Variants in DERA observed in about 807,000 individuals in gnomAD.
DERA encodes deoxyribose-phosphate aldolase, also known as 2-deoxy-D-ribose 5-phosphate aldolase.
In DERA, 15 loss-of-function variants were observed where a neutral mutation model predicts 41.1. The observed-to-expected ratio is 0.37, with a 90% CI of 0.24 to 0.56. The LOEUF (loss-of-function observed/expected upper bound fraction) is 0.56, where lower values mean the gene tolerates loss of function less well. Among genes scored for constraint, DERA ranks in the 20% least tolerant of loss-of-function variants. DERA has a pLI of 0.81. For synonymous variants in DERA, 139 were observed against 137.4 expected, an observed-to-expected ratio of 1.01 and a Z score of -0.08; for missense variants, 396 against 403.4, an observed-to-expected ratio of 0.98 and a Z score of 0.16.
chr12:15,918,725 G>T lies in DERA; in HGVS notation c.31+7311G>T, dbSNP rs1425899508. On this transcript the variant is annotated intron_variant, in intron 1 of 8. Coordinates refer to ENST00000428559, the MANE Select transcript of DERA (RefSeq NM_015954.4). This position sits in a 1 kb window ranked among gnomAD's most constrained non-coding sequence, Gnocchi z 4.3. ...GAGCTCACAGGCAACTAAGGGAGAT[G>T]TTTATGTAAATCACCACATACGGCA... 6.6e-6 allele frequency among the ~76,000 whole-genome samples: 1 copy of T among 152,132 alleles called. No homozygotes were observed. Among genetic ancestry groups the T allele is most frequent in the Non-Finnish European group, 1.5e-5 (1 of 68,030 alleles).
At chr12:16,031,751 T>C (rs1949093837) in intron 6 of DERA, among the ~76,000 whole-genome samples, 1 of 152,224 alleles carries the variant, frequency 6.6e-6, no homozygotes, top group South Asian at 2.1e-4. Flanking sequence ...CTCAGGTAAC[T>C]TACTTAACTT....
Position 16,002,021 on chromosome 12 carries a change from A to C in DERA, c.637+19585A>C, listed in dbSNP as rs377178891. On this transcript the variant is annotated intron_variant, in intron 6 of 8. Transcript: ENST00000428559. ...TATTATGCTTTAAGTTTTAGGGTAC[A>C]TGTGCACAATGTGCAGGTTAGTTAC... Among the ~76,000 whole-genome samples the C allele has an allele frequency of 1.4e-3, 213 of 152,144 alleles. 1 individual carries two copies. Among genetic ancestry groups the C allele is most frequent in the African/African-American group, 4.3e-3 (178 of 41,516 alleles).
chr12:15,960,649 A>C (rs1376224596), intron 4 of DERA, among the ~76,000 whole-genome samples: 2 of 151,076 alleles, frequency 1.3e-5, no homozygotes, highest in African/African-American at 4.8e-5. Flanking sequence ...AAAAAAAAAA[A>C]AAAAAAAAAA....
intron 7 of DERA, among the ~76,000 whole-genome samples, chr12:16,034,277 T>G (rs1592060444): frequency 1.3e-5 from 2 of 152,286 alleles, no homozygotes; most frequent in African/African-American, 2.4e-5. Flanking sequence ...TGTTAAATGC[T>G]AGGAATGGAA....
rs544637768 is a variant in DERA at position 15,974,407 on chromosome 12, C to T, written c.509-7901C>T. Among the ~76,000 whole-genome samples the T allele has an allele frequency of 8.5e-5, 13 of 152,218 alleles. No individual in the cohort carries two copies. In the East Asian group the frequency reaches 1.5e-3, roughly 18 times the overall value. On this transcript the variant is annotated intron_variant, in intron 5 of 8. Transcript: ENST00000428559. ...AGTCTTCCCTTGTCTTTGACGATTACGGGCCTGTTGTTTTGTAAAATATAC... is the reference window on the plus strand; with the variant it reads ...AGTCTTCCCTTGTCTTTGACGATTATGGGCCTGTTGTTTTGTAAAATATAC...
In DERA at chr12:15,967,577, G is replaced by A. The variant is rs193233657; in HGVS notation, c.508+4630G>A. On this transcript the variant is annotated intron_variant, in intron 5 of 8. Coordinates refer to ENST00000428559, the MANE Select transcript of DERA (RefSeq NM_015954.4). The surrounding 1 kb of genome is among the most constrained non-coding windows in gnomAD (Gnocchi z 4.9). ...TCCCAGAATACAGTGATGCTTTCAG[G>A]GGCCAGTGGAATCTCTGAGATGATT... is the stretch of plus-strand genomic sequence containing the variant. Among the ~76,000 whole-genome samples, 10 of 152,138 alleles carry A rather than the reference G, an allele frequency of 6.6e-5. No individual in the cohort carries two copies. In the East Asian group the frequency reaches 1.9e-3, roughly 29 times the overall value.
At chr12:15,955,986 G>T (rs1176507402) in intron 1 of DERA, among the ~76,000 whole-genome samples, 3 of 152,176 alleles carry the variant, frequency 2.0e-5, no homozygotes, top group Non-Finnish European at 4.4e-5. Flanking sequence ...GTTCATGTCC[G>T]ATTTACCGTG....
rs1948399058 is a variant in DERA, at chr12:15,940,209, T to C, written c.32-16727T>C. Among the ~76,000 whole-genome samples the C allele has an allele frequency of 6.6e-6, 1 of 152,216 alleles. No individual in the cohort carries two copies. Among genetic ancestry groups the C allele is most frequent in the Non-Finnish European group, 1.5e-5 (1 of 68,028 alleles). On this transcript the variant is annotated intron_variant, in intron 1 of 8. Transcript: ENST00000428559. The surrounding 1 kb of genome is among the most constrained non-coding windows in gnomAD (Gnocchi z 5.1). Reference sequence around the variant, plus strand: ...ACTTCCGGTTTTTTTATTTGATAAATTAGATTTTTAAAATGAGTCAATATT... The same window carrying C: ...ACTTCCGGTTTTTTTATTTGATAAACTAGATTTTTAAAATGAGTCAATATT...
Position 15,990,383 on chromosome 12 carries a change from G to T in DERA, c.637+7947G>T, listed in dbSNP as rs999546210. ...TAATTGAGAATCACAATTAGATGTG[G>T]TCTAGTTAATGATATGTTTGTGGTA... On this transcript the variant is annotated intron_variant, in intron 6 of 8. Coordinates refer to ENST00000428559, the MANE Select transcript of DERA (RefSeq NM_015954.4). This position sits in a 1 kb window ranked among gnomAD's most constrained non-coding sequence, Gnocchi z 4.3. 6.6e-6 allele frequency among the ~76,000 whole-genome samples: 1 copy of T among 152,146 alleles called. No individual in the cohort carries two copies. The highest frequency in any genetic ancestry group is 2.4e-5 in the African/African-American group (1 of 41,436).
chr12:15,922,738 A>T lies in DERA; in HGVS notation c.31+11324A>T, dbSNP rs1016260036. ...TGGGAAGGATACAGGATTGGGACCC[A>T]GGCACTTTAGTTGTAGACCTGATAG... is the stretch of plus-strand genomic sequence containing the variant. On this transcript the variant is annotated intron_variant, in intron 1 of 8. Transcript: ENST00000428559. This position sits in a 1 kb window ranked among gnomAD's most constrained non-coding sequence, Gnocchi z 4.9. 6.6e-6 allele frequency among the ~76,000 whole-genome samples: 1 copy of T among 152,192 alleles called. No homozygotes were observed. The highest frequency in any genetic ancestry group is 2.1e-4 in the South Asian group (1 of 4,834).
chr12:15,982,419 T>C lies in DERA; in HGVS notation c.620T>C (p.Met207Thr). ...CTTACTAATGTCTATAAAGCCAGTA[T>C]GATAGCAATGATGGCAGGTAAGTGT... is the stretch of plus-strand genomic sequence containing the variant. ...GTLTNVYKAS[M>T]IAMMAGSDFI... The change falls in exon 6 of 9, where the codon ATG becomes ACG. Residue 207 changes from methionine to threonine, a missense_variant. By Grantham distance (81) the Met-to-Thr change is moderately conservative. Transcript: ENST00000428559. This position sits in a 1 kb window ranked among gnomAD's most constrained non-coding sequence, Gnocchi z 4.0. The C allele has an allele frequency of 6.2e-7, 1 of 1,608,230 alleles. No homozygotes were observed. The highest frequency in any genetic ancestry group is 8.5e-7 in the Non-Finnish European group (1 of 1,178,556).
chr12:15,947,755 T>C (rs1364493326), intron 1 of DERA, among the ~76,000 whole-genome samples: 1 of 152,226 alleles, frequency 6.6e-6, no homozygotes, highest in Non-Finnish European at 1.5e-5. Context: ...GTCATTATGA[T>C]GTTAGCTGGT....
At chr12:15,960,207 TACACAC>T (rs537447371) in intron 4 of DERA, among the ~76,000 whole-genome samples, 1 of 145,534 alleles carries the variant, frequency 6.9e-6, no homozygotes, top group South Asian at 2.2e-4. Flanking sequence ...TATATATATA[TACACAC>T]ACACACACAC....
intron 7 of DERA, among the ~76,000 whole-genome samples, chr12:16,033,621 G>GTA (rs1413339864): frequency 1.9e-4 from 29 of 150,634 alleles, no homozygotes; most frequent in Non-Finnish European, 4.0e-4. Flanking sequence ...GTGTGTGTGT[G>GTA]TGTTTAATGA....
At position 15,928,503 on chromosome 12, in the gene DERA, A is replaced by T. The variant is rs1302413070; in HGVS notation, c.31+17089A>T. 2.0e-5 allele frequency among the ~76,000 whole-genome samples: 3 copies of T among 152,170 alleles called. No homozygotes were observed. In the East Asian group the frequency reaches 5.8e-4, roughly 29 times the overall value. Reference sequence around the variant, plus strand: ...ATGTGCAAATTGTGAGCACAGGAAAAGGCTAAGGGCTGAGATCACCCTGTT... The same window carrying T: ...ATGTGCAAATTGTGAGCACAGGAAATGGCTAAGGGCTGAGATCACCCTGTT... On this transcript the variant is annotated intron_variant, in intron 1 of 8. Transcript: ENST00000428559. This position sits in a 1 kb window ranked among gnomAD's most constrained non-coding sequence, Gnocchi z 4.6.
rs1443185766 is a variant in DERA at position 16,036,803 on chromosome 12, AC to A, written c.*58del. 22 of 1,276,476 alleles carry A rather than the reference AC, an allele frequency of 1.7e-5. No homozygotes were observed. The highest frequency in any genetic ancestry group is 3.7e-4 in the Middle Eastern group (2 of 5,350). 79.1% of individuals were successfully genotyped at this position (1,276,476 alleles called of 1,614,324 possible). A position where few individuals can be genotyped will look rare whatever the true frequency, so the allele number is the denominator to read the frequency against. ...GACAATGTTTAAAAATTATTTTTCT[AC>A]GTAATTGCTAAAATTATTTAATTAA... On this transcript the variant is annotated 3_prime_UTR_variant, in exon 9 of 9. Coordinates refer to ENST00000428559, the MANE Select transcript of DERA (RefSeq NM_015954.4). The surrounding 1 kb of genome is among the most constrained non-coding windows in gnomAD (Gnocchi z 4.9).
At chr12:15,916,114 C>T (rs913294357) in intron 1 of DERA, 2 of 152,174 alleles carry the variant, frequency 1.3e-5, no homozygotes, top group African/African-American at 4.8e-5. Context: ...TTAACCATTG[C>T]AGTTTGTTTC....
chr12:16,002,622 C>A (rs907227884), intron 6 of DERA, among the ~76,000 whole-genome samples: 101 of 152,128 alleles, frequency 6.6e-4, no homozygotes, highest in African/African-American at 2.4e-3. Flanking sequence ...CCACACAAAT[C>A]CTCTCAGCAA....
chr12:16,030,283 T>C (rs1429706202), intron 6 of DERA, among the ~76,000 whole-genome samples: 2 of 152,084 alleles, frequency 1.3e-5, no homozygotes, highest in African/African-American at 4.8e-5. Flanking sequence ...CTTAAGATAA[T>C]TTAGGTGATA....
Sources: gnomAD v4.1 joint callset for allele counts (sites outside exome capture counted in the v4.1 genomes callset) on GRCh38, gnomAD v4.1.1 for gene constraint, Gnocchi (gnomAD v3.1) non-coding constraint, MANE v1.5 for transcripts, NCBI Gene and HGNC (gene_info 2026-07-23, HGNC 2026-07-21) for gene names.